The following FRK variants were observed in gnomAD, a reference collection of about 807,000 sequenced individuals.
FRK encodes tyrosine-protein kinase FRK.
FRK carries 51 observed loss-of-function variants against 56.4 expected under a neutral mutation model. The observed-to-expected ratio is 0.90, with a 90% CI of 0.72 to 1.14. The LOEUF is 1.14. Among genes scored for constraint, FRK ranks in the 50% most tolerant of loss-of-function variants. The pLI, the probability that FRK is intolerant of heterozygous loss-of-function variation, is 0.00. For missense variants in FRK, 570 were observed against 601.4 expected (o/e 0.95, Z 0.55); for synonymous variants, 245 against 217.9 (o/e 1.12, Z -1.10).
chr6:115,998,241 T>TC (rs1391217045), intron 2 of FRK, among the ~76,000 whole-genome samples: 4 of 151,946 alleles, frequency 2.6e-5, no homozygotes. Context: ...TCCTCTCATA[T>TC]CCCCCCGGAC....
Position 115,956,470 on chromosome 6 carries a change from G to T in FRK, c.940C>A (p.Leu314Met). 6.5e-7 allele frequency: 1 copy of T among 1,532,288 alleles called. No individual in the cohort carries two copies. Among genetic ancestry groups the T allele is most frequent in the South Asian group, 1.4e-5 (1 of 73,978 alleles). 94.9% of individuals were successfully genotyped at this position (1,532,288 alleles called of 1,614,324 possible). ...IITELMRHGS[L>M]QEYLQNDTGS... ...AGCTTACTTTGGAGATATTCTTGCA[G>T]ACTTCCATGTCTCATCAACTCTGTA... The change falls in exon 5 of 8, where the codon CTG (leucine) becomes ATG (methionine). Residue 314 changes from leucine (L) to methionine (M), a missense_variant. Leu to Met is a conservative substitution (Grantham distance 15, BLOSUM62 2). Coordinates refer to ENST00000606080, the MANE Select transcript of FRK (RefSeq NM_002031.3).
chr6:116,058,666 T>A (rs1777487447), intron 1 of FRK, among the ~76,000 whole-genome samples: 1 of 151,972 alleles, frequency 6.6e-6, no homozygotes, highest in Non-Finnish European at 1.5e-5. Flanking sequence ...ATCCCAGCAC[T>A]TTGGGAGGCC....
At chr6:115,963,065 A>G (rs1482252279) in intron 4 of FRK, among the ~76,000 whole-genome samples, 1 of 60,178 alleles carries the variant, frequency 1.7e-5, no homozygotes, top group Non-Finnish European at 3.4e-5. Context: ...ACTGAAGGAG[A>G]TAGAGACACA....
intron 1 of FRK, among the ~76,000 whole-genome samples, chr6:116,025,868 T>C (rs1487659629): frequency 6.6e-6 from 1 of 152,182 alleles, no homozygotes; most frequent in Non-Finnish European, 1.5e-5. Context: ...TTACTCACTG[T>C]AAAGGAGTAT....
chr6:116,028,481 C>T (rs756499824), intron 1 of FRK, among the ~76,000 whole-genome samples: 2 of 152,116 alleles, frequency 1.3e-5, no homozygotes, highest in Non-Finnish European at 2.9e-5. Context: ...TCCTACAGCT[C>T]TCAAGGTTAC....
the FRK span, among the ~76,000 whole-genome samples, chr6:116,078,327 C>A: frequency 6.6e-6 from 1 of 152,082 alleles, no homozygotes; most frequent in South Asian, 2.1e-4. Flanking sequence ...AAAGACAATA[C>A]AATAGTCTCC....
At chr6:116,051,973 CACA>C (rs1460363112) in intron 1 of FRK, among the ~76,000 whole-genome samples, 4 of 152,164 alleles carry the variant, frequency 2.6e-5, no homozygotes, top group African/African-American at 9.6e-5. Context: ...AGTCTGGCCC[CACA>C]ACATTAATTT....
intron 5 of FRK, among the ~76,000 whole-genome samples, chr6:115,945,484 A>C (rs573368610): frequency 3.0e-4 from 46 of 152,148 alleles, no homozygotes; most frequent in Middle Eastern, 3.4e-3. Flanking sequence ...CTTTTTGTTC[A>C]CATGATTTCA....
rs1400594855 is a variant in FRK at position 115,936,872 on chromosome 6, G to A, written c.*5542C>T. ...TGATTGGTGTACCTGAAAGTGACGG[G>A]GAGAATGGAACCAAGTTGGAAAACA... On this transcript the variant is annotated 3_prime_UTR_variant, in exon 8 of 8. Coordinates refer to ENST00000606080, the MANE Select transcript of FRK (RefSeq NM_002031.3). 6.6e-6 allele frequency: 1 copy of A among 152,244 alleles called. No individual in the cohort carries two copies. Among genetic ancestry groups the A allele is most frequent in the African/African-American group, 2.4e-5 (1 of 41,452 alleles). The allele number at this position is 152,244 out of a possible 1,614,324, so 9.4% of individuals were successfully genotyped here. A position where few individuals can be genotyped will look rare whatever the true frequency, so the allele number is the denominator to read the frequency against.
chr6:115,962,362 T>C (rs1773409494), intron 4 of FRK, among the ~76,000 whole-genome samples: 1 of 151,208 alleles, frequency 6.6e-6, no homozygotes, highest in African/African-American at 2.4e-5. Flanking sequence ...TAAATATTTA[T>C]GCACCCAATA....
intron 1 of FRK, among the ~76,000 whole-genome samples, chr6:116,018,567 T>C (rs115455364): frequency 0.021 from 3,167 of 152,284 alleles, 103 homozygotes; most frequent in African/African-American, 0.066. Flanking sequence ...TTTGCTCTCT[T>C]ACAAAGTGTT....
intron 1 of FRK, among the ~76,000 whole-genome samples, chr6:116,035,936 C>A (rs1046681573): frequency 3.9e-5 from 6 of 152,018 alleles, no homozygotes; most frequent in African/African-American, 1.4e-4. Flanking sequence ...TATTCTTATC[C>A]TTCTTTTCCT....
chr6:116,067,499 G>A, the FRK span, among the ~76,000 whole-genome samples: 1 of 151,964 alleles, frequency 6.6e-6, no homozygotes, highest in African/African-American at 2.4e-5. Flanking sequence ...CAGTGAGATG[G>A]CGGCTTCATC....
At position 115,973,495 on chromosome 6, in the gene FRK, G is replaced by A. The variant is rs146311015; in HGVS notation, c.467-4756C>T. Among the ~76,000 whole-genome samples the A allele has an allele frequency of 5.2e-4, 79 of 152,146 alleles. 2 individuals carry two copies. In the East Asian group the frequency reaches 0.014, roughly 27 times the overall value. On this transcript the variant is annotated intron_variant, in intron 2 of 7. Coordinates refer to ENST00000606080, the MANE Select transcript of FRK (RefSeq NM_002031.3). ...TGGGTGCAGCAAACCACCATGGCAC[G>A]CGTATACTTATGTAACAAATCTGCA...
At chr6:115,952,668 A>G (rs978962849) in intron 5 of FRK, among the ~76,000 whole-genome samples, 53 of 151,452 alleles carry the variant, frequency 3.5e-4, no homozygotes, top group Non-Finnish European at 6.2e-4. Context: ...ACTTGGAACC[A>G]ACCCAAATGT....
chr6:115,974,653 T>C (rs1773925887), intron 2 of FRK, among the ~76,000 whole-genome samples: 1 of 152,168 alleles, frequency 6.6e-6, no homozygotes, highest in Non-Finnish European at 1.5e-5. Flanking sequence ...AATGTTTCCA[T>C]CTTAGCATTC....
At chr6:116,075,192 T>C in the FRK span, among the ~76,000 whole-genome samples, 1 of 152,212 alleles carries the variant, frequency 6.6e-6, no homozygotes, top group Non-Finnish European at 1.5e-5. Flanking sequence ...GAACAGATTC[T>C]ATGCTAGGTC....
chr6:115,951,364 A>G (rs564545502), intron 5 of FRK, among the ~76,000 whole-genome samples: 28 of 152,324 alleles, frequency 1.8e-4, no homozygotes, highest in African/African-American at 6.3e-4. Flanking sequence ...ATATGAAGTA[A>G]GTATTGCAAT....
intron 1 of FRK, among the ~76,000 whole-genome samples, chr6:116,043,964 C>G (rs1263440635): frequency 6.6e-6 from 1 of 152,166 alleles, no homozygotes; most frequent in East Asian, 1.9e-4. Context: ...CACCTCTACA[C>G]AAATAAACTA....
Sources: allele counts gnomAD v4.1 joint callset (sites outside exome capture counted in the v4.1 genomes callset), GRCh38; gene constraint gnomAD v4.1.1; transcripts MANE v1.5; gene names NCBI Gene and HGNC (gene_info 2026-07-23, HGNC 2026-07-21).